MCC: variants seen among roughly 807,000 people sequenced by gnomAD.
The protein encoded by MCC is colorectal mutant cancer protein.
MCC carries 90 observed loss-of-function variants against 116.2 expected under a neutral mutation model. The observed-to-expected ratio is 0.77, with a 90% confidence interval of 0.65 to 0.92. The LOEUF (loss-of-function observed/expected upper bound fraction) is 0.92, where lower values mean the gene tolerates loss of function less well. Ranked by LOEUF, MCC falls within the 40% of genes least tolerant of loss-of-function variation. The pLI, the probability that MCC is intolerant of heterozygous loss-of-function variation, is 0.00. For synonymous variants in MCC, 578 were observed against 510.5 expected (o/e 1.13, Z -1.78); for missense variants, 1,516 against 1,312.2 (o/e 1.16, Z -2.40).
At chr5:113,446,044 A>G (rs1771209155) in intron 1 of MCC, among the ~76,000 whole-genome samples, 1 of 152,224 alleles carries the variant, frequency 6.6e-6, no homozygotes, top group Non-Finnish European at 1.5e-5. Flanking sequence ...AGCTAGCCAT[A>G]TGCAGAAGAA....
chr5:113,036,824 C>T (rs1751360480), intron 17 of MCC, among the ~76,000 whole-genome samples: 1 of 152,244 alleles, frequency 6.6e-6, no homozygotes, highest in South Asian at 2.1e-4. Flanking sequence ...AGCAACAACC[C>T]CTCCATCCCT....
At position 113,203,478 on chromosome 5, in the gene MCC, C is replaced by T. The variant is rs571399044; in HGVS notation, c.628-52056G>A. On this transcript the variant is annotated intron_variant, in intron 3 of 18. Transcript: ENST00000408903. ...CCCTTATCAATAAGAGCTTTCAGCA[C>T]GGCCCAGACCAGATTACTCTGTCTC... Among the ~76,000 whole-genome samples the T allele has an allele frequency of 1.6e-4, 25 of 152,036 alleles. No homozygotes were observed. The South Asian group carries it at 4.4e-3, about 27-fold the overall frequency.
At chr5:113,227,506 G>C (rs1466384804) in intron 3 of MCC, among the ~76,000 whole-genome samples, 1 of 152,072 alleles carries the variant, frequency 6.6e-6, no homozygotes, top group African/African-American at 2.4e-5. Flanking sequence ...TCTCAAATTT[G>C]AATTCAGCTC....
chr5:113,108,652 C>T (rs1329871576), intron 6 of MCC, among the ~76,000 whole-genome samples: 1 of 115,322 alleles, frequency 8.7e-6, no homozygotes, highest in African/African-American at 3.3e-5. Flanking sequence ...GACTCCATTT[C>T]AAAAAAAAAA....
chr5:113,142,744 C>G (rs1400147189), intron 5 of MCC, among the ~76,000 whole-genome samples: 1 of 152,154 alleles, frequency 6.6e-6, no homozygotes, highest in Non-Finnish European at 1.5e-5. Context: ...ATCTGGAAGC[C>G]TACATAATGC....
At chr5:113,325,687 C>G (rs10037836) in intron 3 of MCC, among the ~76,000 whole-genome samples, 4 of 151,928 alleles carry the variant, frequency 2.6e-5, no homozygotes, top group Non-Finnish European at 4.4e-5. Context: ...GCCATTCCAA[C>G]CAAGGTTTAA....
chr5:113,279,432 TAA>T (rs57613299), intron 3 of MCC, among the ~76,000 whole-genome samples: 1 of 151,350 alleles, frequency 6.6e-6, no homozygotes. Context: ...ACACTGACAT[TAA>T]AAAAAAATTA....
intron 1 of MCC, chr5:113,436,470 C>T (rs1770868466): frequency 1.3e-5 from 2 of 152,230 alleles, no homozygotes; most frequent in South Asian, 4.1e-4. Context: ...AGGTTTCAGG[C>T]ACAGCTGAGC....
intron 1 of MCC, among the ~76,000 whole-genome samples, chr5:113,470,624 T>G (rs1015605683): frequency 1.6e-4 from 25 of 152,164 alleles, no homozygotes; most frequent in African/African-American, 4.6e-4. Flanking sequence ...ATTTTTTCCT[T>G]CATTTCAACT....
At chr5:113,162,582 G>A (rs953543750) in intron 3 of MCC, among the ~76,000 whole-genome samples, 4 of 151,902 alleles carry the variant, frequency 2.6e-5, no homozygotes, top group Admixed American at 2.6e-4. Flanking sequence ...CTGCAGCCTC[G>A]AAATCCCAGG....
At chr5:113,153,552 C>G (rs528395457) in intron 3 of MCC, among the ~76,000 whole-genome samples, 2 of 152,370 alleles carry the variant, frequency 1.3e-5, no homozygotes, top group African/African-American at 4.8e-5. Context: ...GGGCAGGTCC[C>G]TTCACTTCTC....
At chr5:113,115,253 G>C (rs188969420) in intron 6 of MCC, among the ~76,000 whole-genome samples, 1 of 152,194 alleles carries the variant, frequency 6.6e-6, no homozygotes, top group Non-Finnish European at 1.5e-5. Flanking sequence ...CCCCTGTCAC[G>C]AGGCCTGAGA....
In MCC at chr5:113,488,264, C is replaced by A. The variant is rs199869272; in HGVS notation, c.151G>T (p.Gly51Trp). 5 of 1,595,080 alleles carry A rather than the reference C, an allele frequency of 3.1e-6. No individual in the cohort carries two copies. The South Asian group carries it at 5.5e-5, about 18-fold the overall frequency. The change falls in exon 1 of 19, where the codon GGG becomes TGG. Residue 51 changes from glycine (G) to tryptophan (W), a missense_variant. Gly to Trp is a radical substitution (Grantham distance 184). Coordinates refer to ENST00000408903, the MANE Select transcript of MCC (RefSeq NM_001085377.2). ...RRLFQTCDGD[G>W]DGYISRNDLL... ...GCGTACCTGCTGATGTATCCGTCCCCGTCGCCGTCGCACGTCTGGAAGAGG... is the reference window on the plus strand; with the variant it reads ...GCGTACCTGCTGATGTATCCGTCCCAGTCGCCGTCGCACGTCTGGAAGAGG...
intron 6 of MCC, among the ~76,000 whole-genome samples, chr5:113,107,979 T>G (rs975909167): frequency 6.6e-6 from 1 of 152,090 alleles, no homozygotes; most frequent in Non-Finnish European, 1.5e-5. Flanking sequence ...AGACTGACCT[T>G]AACTGTGAGA....
intron 2 of MCC, among the ~76,000 whole-genome samples, chr5:113,350,267 G>A (rs1047177353): frequency 1.2e-4 from 19 of 152,140 alleles, no homozygotes; most frequent in African/African-American, 4.6e-4. Flanking sequence ...AACAAAACTG[G>A]AGGAATCACA....
At chr5:113,059,424 G>A (rs1753062618) in intron 14 of MCC, among the ~76,000 whole-genome samples, 1 of 152,180 alleles carries the variant, frequency 6.6e-6, no homozygotes, top group Non-Finnish European at 1.5e-5. Flanking sequence ...ACAGACAAAG[G>A]CGCTGGCGGT....
At chr5:113,162,847 T>G (rs1419191633) in intron 3 of MCC, among the ~76,000 whole-genome samples, 7 of 152,156 alleles carry the variant, frequency 4.6e-5, no homozygotes, top group Admixed American at 3.9e-4. Context: ...CCCTTCTGCC[T>G]GCTAAAAAGT....
intron 3 of MCC, among the ~76,000 whole-genome samples, chr5:113,323,807 G>A (rs893919593): frequency 3.3e-5 from 5 of 152,146 alleles, no homozygotes; most frequent in Non-Finnish European, 5.9e-5. Context: ...GATCACTCAA[G>A]CCCAGGAGTT....
chr5:113,437,324 C>T (rs1000149695), intron 1 of MCC: 1 of 152,092 alleles, frequency 6.6e-6, no homozygotes, highest in Non-Finnish European at 1.5e-5. Context: ...GCCCTCAGCA[C>T]AGAGCTTTAC....
Sources: gnomAD v4.1 joint callset for allele counts (sites outside exome capture counted in the v4.1 genomes callset) on GRCh38, gnomAD v4.1.1 for gene constraint, MANE v1.5 for transcripts, NCBI Gene and HGNC (gene_info 2026-07-23, HGNC 2026-07-21) for gene names.